HPSE2: variants seen among roughly 807,000 people sequenced by gnomAD.
HPSE2 encodes the protein inactive heparanase-2.
In HPSE2, 38 loss-of-function variants were observed where a neutral mutation model predicts 60.5. That is an observed-to-expected ratio of 0.63 (90% CI 0.48 to 0.82). The LOEUF is 0.82. HPSE2 is among the 40% of genes least tolerant of loss of function. The pLI is 0.00. For missense variants in HPSE2, 713 were observed against 740.4 expected, an observed-to-expected ratio of 0.96 and a Z score of 0.43; for synonymous variants, 295 against 293.2, an observed-to-expected ratio of 1.01 and a Z score of -0.06.
At chr10:98,953,338 CAT>C (rs762829658) in intron 3 of HPSE2, among the ~76,000 whole-genome samples, 27 of 152,282 alleles carry the variant, frequency 1.8e-4, no homozygotes, top group South Asian at 4.1e-4. Flanking sequence ...CCACACTGCA[CAT>C]GTCTAATCCA....
At chr10:98,794,828 G>A (rs1950737563) in intron 3 of HPSE2, among the ~76,000 whole-genome samples, 1 of 152,066 alleles carries the variant, frequency 6.6e-6, no homozygotes, top group Non-Finnish European at 1.5e-5. Context: ...GGAGATCAAT[G>A]TATGTTTATG....
chr10:98,469,896 C>G (rs1376155931), intron 11 of HPSE2, among the ~76,000 whole-genome samples: 1 of 152,258 alleles, frequency 6.6e-6, no homozygotes, highest in African/African-American at 2.4e-5. Context: ...ATTCCCAAGT[C>G]AGAATTCATC....
the HPSE2 span, among the ~76,000 whole-genome samples, chr10:99,243,772 C>T: frequency 6.6e-6 from 1 of 152,002 alleles, no homozygotes; most frequent in Non-Finnish European, 1.5e-5. Context: ...CCCATCTCTA[C>T]TAAAAGTACA....
chr10:98,570,451 A>ATTTTTTT (rs10636449), intron 9 of HPSE2, among the ~76,000 whole-genome samples: 2 of 147,694 alleles, frequency 1.4e-5, no homozygotes, highest in Admixed American at 6.7e-5. Flanking sequence ...GTTTTTGTGG[A>ATTTTTTT]TTTTTTTTTT....
chr10:98,847,792 T>C (rs1271999364), intron 3 of HPSE2, among the ~76,000 whole-genome samples: 8 of 152,192 alleles, frequency 5.3e-5, no homozygotes, highest in Admixed American at 3.9e-4. Flanking sequence ...TCAGAACAAA[T>C]GGTCTGTCAA....
chr10:99,002,450 T>C (rs1161439819), intron 3 of HPSE2, among the ~76,000 whole-genome samples: 1 of 152,046 alleles, frequency 6.6e-6, no homozygotes. Flanking sequence ...AAGGCCAACA[T>C]GAACAGTGAT....
the HPSE2 span, among the ~76,000 whole-genome samples, chr10:99,287,779 A>C: frequency 1.6e-4 from 24 of 152,350 alleles, no homozygotes; most frequent in South Asian, 5.0e-3. Context: ...TGATGTCTCA[A>C]GCTCATTCAG....
At chr10:98,792,880 G>A (rs534251695) in intron 3 of HPSE2, among the ~76,000 whole-genome samples, 1 of 152,132 alleles carries the variant, frequency 6.6e-6, no homozygotes, top group Non-Finnish European at 1.5e-5. Context: ...TCTTTGAAAA[G>A]GTCAGAAGAA....
At chr10:99,150,101 C>T (rs964087871) in intron 2 of HPSE2, among the ~76,000 whole-genome samples, 4 of 152,178 alleles carry the variant, frequency 2.6e-5, no homozygotes, top group African/African-American at 9.7e-5. Flanking sequence ...CCAATATATA[C>T]CCTGACAGAT....
intron 3 of HPSE2, among the ~76,000 whole-genome samples, chr10:98,911,498 G>T (rs1953978072): frequency 6.6e-6 from 1 of 152,142 alleles, no homozygotes; most frequent in South Asian, 2.1e-4. Flanking sequence ...GGGCAGGTAT[G>T]GAGTGTGTTC....
intron 3 of HPSE2, among the ~76,000 whole-genome samples, chr10:98,827,844 A>T (rs1225464125): frequency 6.6e-6 from 1 of 152,228 alleles, no homozygotes; most frequent in Non-Finnish European, 1.5e-5. Flanking sequence ...ATTGGGTCAA[A>T]CATTATTCTA....
intron 2 of HPSE2, among the ~76,000 whole-genome samples, chr10:99,184,851 GA>G (rs1847940956): frequency 8.7e-6 from 1 of 114,646 alleles, no homozygotes; most frequent in Non-Finnish European, 2.0e-5. Flanking sequence ...GAGAGAGAGA[GA>G]GAGAGAGAGA....
intron 3 of HPSE2, among the ~76,000 whole-genome samples, chr10:98,854,316 T>C (rs993731928): frequency 6.6e-6 from 1 of 152,214 alleles, no homozygotes; most frequent in African/African-American, 2.4e-5. Context: ...AATTATGAAT[T>C]GCTAAAAGTG....
chr10:98,555,007 T>C (rs1326230592), intron 9 of HPSE2, among the ~76,000 whole-genome samples: 3 of 152,252 alleles, frequency 2.0e-5, no homozygotes, highest in African/African-American at 7.2e-5. Context: ...GCAGCAGCTA[T>C]GATTTGTTAA....
chr10:99,081,755 G>A (rs1473954567), intron 3 of HPSE2, among the ~76,000 whole-genome samples: 1 of 151,948 alleles, frequency 6.6e-6, no homozygotes, highest in Non-Finnish European at 1.5e-5. Context: ...TCCTGCCTCA[G>A]CCTCCTGAGT....
chr10:99,076,535 G>T (rs959584813), intron 3 of HPSE2, among the ~76,000 whole-genome samples: 1 of 152,096 alleles, frequency 6.6e-6, no homozygotes, highest in Non-Finnish European at 1.5e-5. Context: ...CCACAGGCAT[G>T]AGCCACCACA....
At chr10:99,077,615 A>G (rs1267772430) in intron 3 of HPSE2, among the ~76,000 whole-genome samples, 1 of 151,926 alleles carries the variant, frequency 6.6e-6, no homozygotes, top group Non-Finnish European at 1.5e-5. Context: ...TATCGACTTC[A>G]TATATATACA....
chr10:98,621,836 G>T (rs889958145), intron 7 of HPSE2, among the ~76,000 whole-genome samples: 1 of 152,226 alleles, frequency 6.6e-6, no homozygotes. Context: ...GAGGTACTAC[G>T]TAGTACACTG....
At chr10:99,064,736 A>G (rs1842562180) in intron 3 of HPSE2, among the ~76,000 whole-genome samples, 1 of 151,964 alleles carries the variant, frequency 6.6e-6, no homozygotes. Context: ...TCAACCAAAA[A>G]AAAAAAATTA....
Sources: allele counts gnomAD v4.1 joint callset (sites outside exome capture counted in the v4.1 genomes callset), GRCh38; gene constraint gnomAD v4.1.1; transcripts MANE v1.5; gene names NCBI Gene and HGNC (gene_info 2026-07-23, HGNC 2026-07-21).